The following STRBP variants were observed in gnomAD, a reference collection of about 807,000 sequenced individuals.
STRBP encodes the protein spermatid perinuclear RNA-binding protein.
A neutral mutation model predicts 80.1 loss-of-function variants in STRBP; 13 were observed. The ratio of observed to expected loss-of-function variants is 0.16; its 90% confidence interval spans 0.11 to 0.26. The LOEUF (loss-of-function observed/expected upper bound fraction) is 0.26. Ranked by LOEUF, STRBP falls within the 10% of genes least tolerant of loss-of-function variation. STRBP has a pLI of 1.00. For missense variants in STRBP, 485 were observed against 815.2 expected (o/e 0.59, Z 4.93); for synonymous variants, 284 against 291.2 (o/e 0.98, Z 0.25).
At chr9:123,243,171 T>C (rs2040730231) in intron 1 of STRBP, among the ~76,000 whole-genome samples, 1 of 148,046 alleles carries the variant, frequency 6.8e-6, no homozygotes, top group Non-Finnish European at 1.5e-5. Context: ...CACAAACATG[T>C]CCAACTAATT....
At chr9:123,253,972 A>G (rs2040969070) in intron 1 of STRBP, among the ~76,000 whole-genome samples, 1 of 152,216 alleles carries the variant, frequency 6.6e-6, no homozygotes, top group Admixed American at 6.5e-5. Context: ...TGGTTGCTCA[A>G]CATTGTGAAT....
chr9:123,156,915 A>G (rs2037311841), intron 11 of STRBP, among the ~76,000 whole-genome samples: 1 of 152,146 alleles, frequency 6.6e-6, no homozygotes, highest in Admixed American at 6.5e-5. Flanking sequence ...AAAGAAGAGA[A>G]AGGGAGGGAA....
At chr9:123,257,158 G>A (rs563094287) in intron 1 of STRBP, among the ~76,000 whole-genome samples, 8 of 151,886 alleles carry the variant, frequency 5.3e-5, no homozygotes, top group East Asian at 1.9e-4. Context: ...TTCATATATC[G>A]TATCGTCAAC....
At chr9:123,165,279 C>CAA (rs568070749) in intron 6 of STRBP, among the ~76,000 whole-genome samples, 26 of 50,822 alleles carry the variant, frequency 5.1e-4, no homozygotes, top group South Asian at 1.4e-3. Context: ...GACTCCATCT[C>CAA]AAAAAAAAAA....
chr9:123,116,877 A>G (rs903427434), downstream of STRBP, among the ~76,000 whole-genome samples: 17 of 152,336 alleles, frequency 1.1e-4, no homozygotes, highest in Middle Eastern at 3.4e-3. Context: ...TTCTAATTCC[A>G]GTTGTGGTGA....
chr9:123,258,639 T>C (rs1158555200), intron 1 of STRBP, among the ~76,000 whole-genome samples: 1 of 151,726 alleles, frequency 6.6e-6, no homozygotes, highest in Non-Finnish European at 1.5e-5. Flanking sequence ...CTGTCTCTAT[T>C]AAAAATACAA....
intron 1 of STRBP, among the ~76,000 whole-genome samples, chr9:123,246,259 A>G (rs942051738): frequency 6.6e-6 from 1 of 152,248 alleles, no homozygotes; most frequent in African/African-American, 2.4e-5. Flanking sequence ...GCATGTGAAA[A>G]GGCAACATTG....
rs189648481 is a variant in STRBP at position 123,149,948 on chromosome 9, G to A, written c.1046-2078C>T. 3.3e-5 allele frequency among the ~76,000 whole-genome samples: 5 copies of A among 152,228 alleles called. No homozygotes were observed. In the East Asian group the frequency reaches 9.6e-4, roughly 29 times the overall value. On this transcript the variant is annotated intron_variant, in intron 11 of 18. Coordinates refer to ENST00000348403, the MANE Select transcript of STRBP (RefSeq NM_018387.5). ...TTTCTCAAAGAGCTTACATATACTG[G>A]CCAAAACTAATTACAACATATACTA...
Position 123,123,336 on chromosome 9 carries a change from A to T in STRBP, c.*2261T>A, listed in dbSNP as rs1460631520. ...CTGTAAGTGGAATTTTCATTACAAAATGGAAGGGTGGGAAGGGCAACAGGT... is the reference window on the plus strand; with the variant it reads ...CTGTAAGTGGAATTTTCATTACAAATTGGAAGGGTGGGAAGGGCAACAGGT... On this transcript the variant is annotated 3_prime_UTR_variant, in exon 19 of 19. Transcript: ENST00000348403. 1.2e-5 allele frequency: 12 copies of T among 985,268 alleles called. No individual in the cohort carries two copies. The highest frequency in any genetic ancestry group is 1.4e-5 in the Non-Finnish European group (12 of 829,930). 61.0% of individuals were successfully genotyped at this position (985,268 alleles called of 1,614,324 possible).
At chr9:123,232,745 G>C (rs954833337) in intron 2 of STRBP, among the ~76,000 whole-genome samples, 2 of 152,184 alleles carry the variant, frequency 1.3e-5, no homozygotes, top group African/African-American at 4.8e-5. Flanking sequence ...GAAATGGGCA[G>C]AGTTAGGAAA....
At chr9:123,140,549 G>A (rs1362122746) in intron 13 of STRBP, among the ~76,000 whole-genome samples, 3 of 151,998 alleles carry the variant, frequency 2.0e-5, no homozygotes, top group African/African-American at 7.3e-5. Flanking sequence ...AGCGGAGATT[G>A]CGCCACTGCA....
chr9:123,251,931 G>GGTAAGCAC (rs1315603514), intron 1 of STRBP, among the ~76,000 whole-genome samples: 1 of 152,132 alleles, frequency 6.6e-6, no homozygotes, highest in Non-Finnish European at 1.5e-5. Flanking sequence ...CTCTAAGGGT[G>GGTAAGCAC]GTAAGCACCT....
intron 16 of STRBP, among the ~76,000 whole-genome samples, chr9:123,134,259 C>A (rs1256212748): frequency 6.6e-6 from 1 of 152,196 alleles, no homozygotes; most frequent in Non-Finnish European, 1.5e-5. Flanking sequence ...GGTGCAAAGC[C>A]TCAAAGCGTA....
chr9:123,193,568 G>A (rs779544642), intron 2 of STRBP, among the ~76,000 whole-genome samples: 5 of 151,876 alleles, frequency 3.3e-5, no homozygotes, highest in East Asian at 1.9e-4. Context: ...TTTAATAACC[G>A]CAGAGATGAC....
intron 2 of STRBP, among the ~76,000 whole-genome samples, chr9:123,196,413 A>G (rs868546073): frequency 7.9e-5 from 12 of 152,344 alleles, no homozygotes; most frequent in Middle Eastern, 3.4e-3. Flanking sequence ...AGCAAAGGAA[A>G]CAATCAACAA....
intron 3 of STRBP, chr9:123,111,669 GC>G (rs757696996): frequency 6.4e-6 from 3 of 467,506 alleles, no homozygotes; most frequent in Non-Finnish European, 1.3e-5. Flanking sequence ...GCCACACCTG[GC>G]ACTGCAGCCA....
rs1434451532 is a variant in STRBP, at chr9:123,197,590, C to G, written c.-164-13292G>C. Among the ~76,000 whole-genome samples, 3 of 149,970 alleles carry G rather than the reference C, an allele frequency of 2.0e-5. No homozygotes were observed. In the East Asian group the frequency reaches 5.9e-4, roughly 29 times the overall value. ...TAACTTAGCTTTCACTTACTCATAG[C>G]TTGGCTTTCCACTCCTGTGATACTT... On this transcript the variant is annotated intron_variant, in intron 2 of 18. Coordinates refer to ENST00000348403, the MANE Select transcript of STRBP (RefSeq NM_018387.5).
intron 13 of STRBP, among the ~76,000 whole-genome samples, chr9:123,146,020 C>A (rs113561319): frequency 1.3e-5 from 2 of 150,228 alleles, no homozygotes; most frequent in Non-Finnish European, 3.0e-5. Context: ...ACTGCTATAT[C>A]CCCAGTATCT....
At chr9:123,172,499 G>C (rs1040871347) in intron 5 of STRBP, among the ~76,000 whole-genome samples, 1 of 152,076 alleles carries the variant, frequency 6.6e-6, no homozygotes, top group East Asian at 1.9e-4. Flanking sequence ...TTTTTAAAAG[G>C]GAGGGAAAGG....
Sources: allele counts gnomAD v4.1 joint callset (sites outside exome capture counted in the v4.1 genomes callset), GRCh38; gene constraint gnomAD v4.1.1; transcripts MANE v1.5; gene names NCBI Gene and HGNC (gene_info 2026-07-23, HGNC 2026-07-21).